ADAMTS12: variants seen among roughly 807,000 people sequenced by gnomAD.
ADAMTS12 encodes ADAM metallopeptidase with thrombospondin type 1 motif 12.
Under a neutral mutation model 167.8 loss-of-function variants are expected in ADAMTS12, and 118 were observed. The observed-to-expected ratio is 0.70, with a 90% confidence interval of 0.61 to 0.82. The LOEUF (loss-of-function observed/expected upper bound fraction) is 0.82. ADAMTS12 is among the 40% of genes least tolerant of loss of function. The pLI, the probability that ADAMTS12 is intolerant of heterozygous loss-of-function variation, is 0.00. For missense variants in ADAMTS12, 1,916 were observed against 1,998.8 expected (o/e 0.96, Z 0.79); for synonymous variants, 704 against 716.9 (o/e 0.98, Z 0.29).
At chr5:33,580,304 G>A (rs753245653) in intron 18 of ADAMTS12, among the ~76,000 whole-genome samples, 5 of 152,186 alleles carry the variant, frequency 3.3e-5, no homozygotes, top group Non-Finnish European at 7.3e-5. Flanking sequence ...CATGGTGGAA[G>A]GGGAAGCAGA....
At chr5:33,726,798 A>G (rs1743997677) in intron 3 of ADAMTS12, among the ~76,000 whole-genome samples, 1 of 152,104 alleles carries the variant, frequency 6.6e-6, no homozygotes, top group African/African-American at 2.4e-5. Flanking sequence ...GGCCAAATTC[A>G]GCTTGATGTA....
At position 33,588,713 on chromosome 5, in the gene ADAMTS12, G is replaced by A. The variant is rs932033088; in HGVS notation, c.2751C>T (p.Asp917=). 4 of 1,613,980 alleles carry A rather than the reference G, an allele frequency of 2.5e-6. No homozygotes were observed. Among genetic ancestry groups the A allele is most frequent in the Non-Finnish European group, 2.5e-6 (3 of 1,180,034 alleles). The change falls in exon 18 of 24, where the codon GAC becomes GAT. Residue 917 remains aspartate, a synonymous_variant. Transcript: ENST00000504830. ...TVLCIQTMVS[D]EQALPPTDCQ... Reference sequence around the variant, plus strand: ...AGTCTGTGGGCGGGAGAGCCTGCTCGTCAGAGACCATGGTCTGGATGCACA... The same window carrying A: ...AGTCTGTGGGCGGGAGAGCCTGCTCATCAGAGACCATGGTCTGGATGCACA...
chr5:33,711,421 A>G (rs1743399907), intron 3 of ADAMTS12, among the ~76,000 whole-genome samples: 1 of 152,124 alleles, frequency 6.6e-6, no homozygotes, highest in Non-Finnish European at 1.5e-5. Context: ...AATATTTTGG[A>G]ACCATAAGTG....
chr5:33,811,957 G>A (rs745700825), intron 2 of ADAMTS12, among the ~76,000 whole-genome samples: 18 of 152,104 alleles, frequency 1.2e-4, no homozygotes, highest in Non-Finnish European at 1.3e-4. Context: ...GTGAAGTCAG[G>A]GATGACATAA....
intron 2 of ADAMTS12, among the ~76,000 whole-genome samples, chr5:33,794,778 A>G (rs1005871095): frequency 3.9e-5 from 6 of 152,158 alleles, no homozygotes; most frequent in Non-Finnish European, 7.3e-5. Context: ...CTCTATCTGC[A>G]AGGGGCCAGC....
At chr5:33,824,836 G>A (rs981978914) in intron 2 of ADAMTS12, among the ~76,000 whole-genome samples, 3 of 152,088 alleles carry the variant, frequency 2.0e-5, no homozygotes, top group Admixed American at 6.6e-5. Flanking sequence ...TCCCAATCTG[G>A]CCCCTAAAAT....
intron 16 of ADAMTS12, among the ~76,000 whole-genome samples, chr5:33,605,475 G>GT (rs1277249799): frequency 2.0e-3 from 231 of 116,114 alleles, no homozygotes; most frequent in African/African-American, 7.5e-3. Flanking sequence ...ATATAAAAAT[G>GT]ACAACTGGAA....
intron 5 of ADAMTS12, among the ~76,000 whole-genome samples, chr5:33,680,414 T>C (rs1048340577): frequency 6.6e-6 from 1 of 152,148 alleles, no homozygotes; most frequent in Non-Finnish European, 1.5e-5. Context: ...GTGGTGCTGC[T>C]GGGACTACAG....
Position 33,727,318 on chromosome 5 carries a change from T to C in ADAMTS12, c.634+24086A>G, listed in dbSNP as rs528507613. Among the ~76,000 whole-genome samples, 17 of 152,194 alleles carry C rather than the reference T, an allele frequency of 1.1e-4. No individual in the cohort carries two copies. In the East Asian group the frequency reaches 1.9e-3, roughly 17 times the overall value. On this transcript the variant is annotated intron_variant, in intron 3 of 23. Transcript: ENST00000504830. The stretch of plus-strand genomic sequence containing the variant: ...TCTCAGTTATTCAAGAGAGGGTCCA[T>C]TGGGCTCTCGCCTCCTTGTTTCTTC...
chr5:33,844,850 T>G (rs1748885577), intron 2 of ADAMTS12, among the ~76,000 whole-genome samples: 2 of 152,212 alleles, frequency 1.3e-5, no homozygotes, highest in Non-Finnish European at 2.9e-5. Flanking sequence ...GACGCCCAGC[T>G]TTAAAATCTC....
chr5:33,606,719 T>C (rs74849569), intron 16 of ADAMTS12, among the ~76,000 whole-genome samples: 5,190 of 152,290 alleles, frequency 0.034, 121 homozygotes, highest in Non-Finnish European at 0.05. Flanking sequence ...TTATATAAAG[T>C]TGCAGAGAAA....
intron 2 of ADAMTS12, among the ~76,000 whole-genome samples, chr5:33,782,591 T>G (rs573858291): frequency 6.6e-6 from 1 of 152,106 alleles, no homozygotes; most frequent in South Asian, 2.1e-4. Context: ...GTGAAAGAAT[T>G]GAATAAATGA....
At chr5:33,647,037 T>C (rs1740695190) in intron 9 of ADAMTS12, among the ~76,000 whole-genome samples, 1 of 152,034 alleles carries the variant, frequency 6.6e-6, no homozygotes, top group South Asian at 2.1e-4. Flanking sequence ...ATACATGATA[T>C]AAAATACAGA....
At chr5:33,532,166 A>T (rs1177522480) in intron 23 of ADAMTS12, among the ~76,000 whole-genome samples, 1 of 152,214 alleles carries the variant, frequency 6.6e-6, no homozygotes, top group African/African-American at 2.4e-5. Context: ...ATATGCCTGT[A>T]TCTTTGTTGT....
intron 2 of ADAMTS12, among the ~76,000 whole-genome samples, chr5:33,834,033 A>AG (rs33920279): frequency 0.14 from 21,835 of 152,120 alleles, 2,874 homozygotes; most frequent in East Asian, 0.39. Flanking sequence ...AGGGCTTCTG[A>AG]GGAAGAATCT....
chr5:33,588,301 G>A (rs962119663), intron 18 of ADAMTS12, among the ~76,000 whole-genome samples: 1 of 152,270 alleles, frequency 6.6e-6, no homozygotes, highest in South Asian at 2.1e-4. Flanking sequence ...GTTTAACAAT[G>A]GGCCTGGCCA....
At chr5:33,619,970 G>C (rs1198118364) in intron 14 of ADAMTS12, among the ~76,000 whole-genome samples, 1 of 152,228 alleles carries the variant, frequency 6.6e-6, no homozygotes, top group Admixed American at 6.5e-5. Flanking sequence ...TGGGATTACA[G>C]GCGTGAGCCA....
intron 14 of ADAMTS12, among the ~76,000 whole-genome samples, chr5:33,619,294 A>G (rs1739188581): frequency 6.6e-6 from 1 of 152,226 alleles, no homozygotes; most frequent in Admixed American, 6.5e-5. Context: ...TTTACAGATC[A>G]TAAACCAGAC....
intron 4 of ADAMTS12, among the ~76,000 whole-genome samples, chr5:33,683,506 C>A (rs573480834): frequency 1.1e-3 from 164 of 152,310 alleles, no homozygotes; most frequent in African/African-American, 3.9e-3. Flanking sequence ...CTATTTCTAA[C>A]TACTTTGAGG....
Sources: gnomAD v4.1 joint callset for allele counts (sites outside exome capture counted in the v4.1 genomes callset) on GRCh38, gnomAD v4.1.1 for gene constraint, MANE v1.5 for transcripts, NCBI Gene and HGNC (gene_info 2026-07-23, HGNC 2026-07-21) for gene names.